The following MAGI2 variants were observed in gnomAD, a reference collection of about 807,000 sequenced individuals.
MAGI2 encodes membrane associated guanylate kinase, WW and PDZ domain containing 2, also known as membrane-associated guanylate kinase, WW and PDZ domain-containing protein 2.
Under a neutral mutation model 133.3 loss-of-function variants are expected in MAGI2, and 35 were observed. The observed-to-expected ratio is 0.26, with a 90% CI of 0.20 to 0.35. The LOEUF (loss-of-function observed/expected upper bound fraction) is 0.35, where lower values mean the gene tolerates loss of function less well. MAGI2 is among the 10% of genes least tolerant of loss of function. The probability of loss-of-function intolerance (pLI) is 1.00; values close to 1 mark genes in which losing one functional copy is unlikely to be tolerated. For synonymous variants in MAGI2, 729 were observed against 710.6 expected (o/e 1.03, Z -0.41); for missense variants, 1,636 against 1,863.4 (o/e 0.88, Z 2.25).
chr7:78,740,379 T>C (rs1822296805), intron 2 of MAGI2, among the ~76,000 whole-genome samples: 2 of 152,196 alleles, frequency 1.3e-5, no homozygotes, highest in South Asian at 4.1e-4. Flanking sequence ...TATCAGTAAA[T>C]GGACAATAGT....
chr7:78,583,704 ATAT>A (rs1803092518), intron 3 of MAGI2, among the ~76,000 whole-genome samples: 1 of 152,064 alleles, frequency 6.6e-6, no homozygotes, highest in Admixed American at 6.6e-5. Flanking sequence ...GACAGTAATG[ATAT>A]TATCCTTTTG....
chr7:78,310,868 T>A (rs1328036599), intron 9 of MAGI2, among the ~76,000 whole-genome samples: 1 of 152,244 alleles, frequency 6.6e-6, no homozygotes. Context: ...TACAGACATG[T>A]TGATATTTGA....
intron 1 of MAGI2, among the ~76,000 whole-genome samples, chr7:79,399,088 T>C (rs868707323): frequency 7.4e-6 from 1 of 135,984 alleles, no homozygotes; most frequent in African/African-American, 3.2e-5. Context: ...TCTTTTTTTT[T>C]TCTTTTCTTT....
At chr7:78,622,086 TCC>T (rs1807805568) in intron 3 of MAGI2, among the ~76,000 whole-genome samples, 2 of 152,008 alleles carry the variant, frequency 1.3e-5, no homozygotes, top group Admixed American at 6.6e-5. Context: ...GTTTCTAATA[TCC>T]CTGACAATAA....
chr7:78,917,730 C>T (rs1325249636), intron 2 of MAGI2, among the ~76,000 whole-genome samples: 1 of 152,084 alleles, frequency 6.6e-6, no homozygotes, highest in Non-Finnish European at 1.5e-5. Flanking sequence ...CTGACAGACA[C>T]CGGCCATAAA....
At chr7:78,323,270 TG>T (rs1788205716) in intron 9 of MAGI2, among the ~76,000 whole-genome samples, 1 of 152,176 alleles carries the variant, frequency 6.6e-6, no homozygotes, top group African/African-American at 2.4e-5. Flanking sequence ...TATCTTTCTG[TG>T]ATTAATTTTC....
At chr7:78,203,775 A>G (rs1829483031) in intron 10 of MAGI2, among the ~76,000 whole-genome samples, 1 of 152,236 alleles carries the variant, frequency 6.6e-6, no homozygotes, top group Admixed American at 6.5e-5. Flanking sequence ...TCATGTTACA[A>G]ACATTTAAAT....
chr7:79,434,443 T>C (rs1204510332), intron 1 of MAGI2, among the ~76,000 whole-genome samples: 2 of 152,162 alleles, frequency 1.3e-5, no homozygotes, highest in Admixed American at 1.3e-4. Flanking sequence ...CTAGGAAATA[T>C]CATAATTTAG....
At chr7:79,393,827 A>G (rs1844845916) in intron 1 of MAGI2, among the ~76,000 whole-genome samples, 1 of 152,216 alleles carries the variant, frequency 6.6e-6, no homozygotes. Context: ...CAAAAAACAC[A>G]GGCAGTTCCC....
chr7:79,372,057 G>T (rs946569913), intron 1 of MAGI2, among the ~76,000 whole-genome samples: 9 of 152,042 alleles, frequency 5.9e-5, no homozygotes, highest in Admixed American at 3.9e-4. Context: ...TATTTTATGG[G>T]TAAAAAACTG....
chr7:78,621,318 A>T (rs891295063), intron 3 of MAGI2: 4 of 152,066 alleles, frequency 2.6e-5, no homozygotes, highest in Non-Finnish European at 4.4e-5. Flanking sequence ...GAAGGTTCAT[A>T]GTTTCTATGT....
intron 1 of MAGI2, among the ~76,000 whole-genome samples, chr7:79,063,981 T>C (rs921689016): frequency 6.6e-6 from 1 of 152,126 alleles, no homozygotes; most frequent in Admixed American, 6.6e-5. Flanking sequence ...TCAAACTTCG[T>C]GAACGTGTGC....
chr7:78,185,244 C>T (rs1356143683), intron 13 of MAGI2, among the ~76,000 whole-genome samples: 4 of 152,038 alleles, frequency 2.6e-5, no homozygotes, highest in Admixed American at 6.6e-5. Flanking sequence ...GTGGATTTTA[C>T]ACATATATTA....
chr7:78,859,459 T>C (rs1793963319), intron 2 of MAGI2, among the ~76,000 whole-genome samples: 1 of 152,146 alleles, frequency 6.6e-6, no homozygotes, highest in Non-Finnish European at 1.5e-5. Flanking sequence ...TCTCAGCATT[T>C]GTTCGTCTGT....
rs761125622 is a variant in MAGI2 at position 78,342,441 on chromosome 7, T to C, written c.1408+1337A>G. 1.7e-3 allele frequency among the ~76,000 whole-genome samples: 260 copies of C among 152,264 alleles called. 1 individual carries two copies. The highest frequency in any genetic ancestry group is 3.4e-3 in the Middle Eastern group (1 of 294). On this transcript the variant is annotated intron_variant, in intron 9 of 21. Transcript: ENST00000354212. Reference sequence around the variant, plus strand: ...CTAGAACCAGAATTACCATTTGACCTAGCAATCCCATTACTATATATATAC... The same window carrying C: ...CTAGAACCAGAATTACCATTTGACCCAGCAATCCCATTACTATATATATAC...
chr7:78,203,089 G>A (rs1244163766), intron 10 of MAGI2, among the ~76,000 whole-genome samples: 2 of 152,088 alleles, frequency 1.3e-5, no homozygotes, highest in East Asian at 1.9e-4. Flanking sequence ...GCTGTTTTAC[G>A]GAATTGCCAG....
At chr7:79,091,039 C>T (rs1271303424) in intron 1 of MAGI2, among the ~76,000 whole-genome samples, 2 of 151,604 alleles carry the variant, frequency 1.3e-5, no homozygotes, top group African/African-American at 4.8e-5. Flanking sequence ...TTTTTCATTA[C>T]ACCTTAGTGC....
At chr7:79,371,701 A>C (rs1435757434) in intron 1 of MAGI2, among the ~76,000 whole-genome samples, 2 of 152,118 alleles carry the variant, frequency 1.3e-5, no homozygotes, top group African/African-American at 4.8e-5. Context: ...AAATTGCTTA[A>C]AGATACATTT....
chr7:78,320,876 A>G (rs1335852374), intron 9 of MAGI2, among the ~76,000 whole-genome samples: 2 of 152,194 alleles, frequency 1.3e-5, no homozygotes, highest in Non-Finnish European at 1.5e-5. Flanking sequence ...AGAAAACCCC[A>G]TGGTCTCAGC....
Sources: allele counts gnomAD v4.1 joint callset (sites outside exome capture counted in the v4.1 genomes callset), GRCh38; gene constraint gnomAD v4.1.1; transcripts MANE v1.5; gene names NCBI Gene and HGNC (gene_info 2026-07-23, HGNC 2026-07-21).